Variants in LSAMP observed in about 807,000 individuals in gnomAD.
LSAMP encodes the protein limbic system associated membrane protein.
LSAMP carries 7 observed loss-of-function variants against 38.6 expected under a neutral mutation model. The observed-to-expected ratio is 0.18, with a 90% CI of 0.10 to 0.34. The LOEUF (loss-of-function observed/expected upper bound fraction) is 0.34, where lower values mean the gene tolerates loss of function less well. Among genes scored for constraint, LSAMP ranks in the 10% least tolerant of loss-of-function variants. The probability of loss-of-function intolerance (pLI) is 1.00; values close to 1 mark genes in which losing one functional copy is unlikely to be tolerated. For missense variants in LSAMP, 313 were observed against 420.0 expected (o/e 0.75, Z 2.23); for synonymous variants, 154 against 166.8 (o/e 0.92, Z 0.59).
intron 1 of LSAMP, among the ~76,000 whole-genome samples, chr3:116,142,597 G>A (rs1709394863): frequency 6.6e-6 from 1 of 151,738 alleles, no homozygotes; most frequent in African/African-American, 2.4e-5. Flanking sequence ...TTCTTTTTAG[G>A]GACCATATTA....
chr3:116,324,585 A>G (rs551975688), intron 1 of LSAMP, among the ~76,000 whole-genome samples: 2 of 152,174 alleles, frequency 1.3e-5, no homozygotes, highest in Admixed American at 1.3e-4. Context: ...GAGTTCTTAC[A>G]CACCTGAATC....
chr3:115,864,008 AT>A (rs749980727), intron 3 of LSAMP, among the ~76,000 whole-genome samples: 24 of 152,292 alleles, frequency 1.6e-4, no homozygotes, highest in Non-Finnish European at 2.2e-4. Context: ...AAAAGTTTTC[AT>A]GACTATCCAT....
intron 1 of LSAMP, among the ~76,000 whole-genome samples, chr3:116,192,644 TAAAG>T (rs1266535679): frequency 2.0e-5 from 3 of 152,168 alleles, no homozygotes; most frequent in East Asian, 1.9e-4. Context: ...GATGGAAAAT[TAAAG>T]AAAAGTATTA....
intron 3 of LSAMP, among the ~76,000 whole-genome samples, chr3:115,875,134 A>G (rs892711235): frequency 2.5e-4 from 38 of 152,110 alleles, no homozygotes; most frequent in African/African-American, 8.2e-4. Context: ...ACTACTTTCA[A>G]TCCCAATCAC....
intron 2 of LSAMP, among the ~76,000 whole-genome samples, chr3:116,066,907 ATT>A (rs540761030): frequency 6.7e-6 from 1 of 150,018 alleles, no homozygotes; most frequent in African/African-American, 2.4e-5. Context: ...GCCTGCCCCC[ATT>A]TTTTTTTGCA....
intron 1 of LSAMP, among the ~76,000 whole-genome samples, chr3:116,120,255 T>C (rs1005122139): frequency 1.3e-5 from 2 of 152,054 alleles, no homozygotes; most frequent in African/African-American, 4.8e-5. Flanking sequence ...GCCAGGGAAA[T>C]GATGGTGGTG....
At chr3:116,195,463 A>G (rs1411452984) in intron 1 of LSAMP, among the ~76,000 whole-genome samples, 1 of 152,190 alleles carries the variant, frequency 6.6e-6, no homozygotes, top group Non-Finnish European at 1.5e-5. Context: ...TAAACAGCCA[A>G]TATATACAAT....
intron 3 of LSAMP, among the ~76,000 whole-genome samples, chr3:115,906,064 G>A (rs1441383226): frequency 1.3e-5 from 2 of 152,078 alleles, no homozygotes. Flanking sequence ...GGAACCTTAT[G>A]GAAAGCAATT....
chr3:116,275,265 C>A (rs1242270045), intron 1 of LSAMP, among the ~76,000 whole-genome samples: 1 of 152,016 alleles, frequency 6.6e-6, no homozygotes, highest in African/African-American at 2.4e-5. Context: ...GTTGTCCAGG[C>A]TGGTCTGGAA....
chr3:116,211,121 A>G (rs970907998), intron 1 of LSAMP, among the ~76,000 whole-genome samples: 3 of 152,158 alleles, frequency 2.0e-5, no homozygotes, highest in Admixed American at 1.3e-4. Flanking sequence ...TCTCACTTAT[A>G]TGTAAAATCT....
At chr3:115,827,082 C>T (rs1175429076) in intron 6 of LSAMP, among the ~76,000 whole-genome samples, 1 of 151,564 alleles carries the variant, frequency 6.6e-6, no homozygotes, top group African/African-American at 2.4e-5. Context: ...GCTTGCAATT[C>T]AACAGAGAAG....
At chr3:115,933,085 G>A (rs1937607244) in intron 3 of LSAMP, among the ~76,000 whole-genome samples, 2 of 152,166 alleles carry the variant, frequency 1.3e-5, no homozygotes, top group East Asian at 1.9e-4. Flanking sequence ...AAGGAAGGTC[G>A]GAGCATAGAC....
chr3:115,831,211 C>A (rs968711720), intron 6 of LSAMP, among the ~76,000 whole-genome samples: 2 of 152,092 alleles, frequency 1.3e-5, no homozygotes, highest in Admixed American at 6.6e-5. Context: ...AACCCACTTG[C>A]CACACGGGGT....
At chr3:116,178,463 C>T (rs528727298) in intron 1 of LSAMP, among the ~76,000 whole-genome samples, 14 of 152,202 alleles carry the variant, frequency 9.2e-5, no homozygotes, top group South Asian at 8.3e-4. Flanking sequence ...CCACCACGCC[C>T]GGCCAAAAGA....
intron 1 of LSAMP, among the ~76,000 whole-genome samples, chr3:116,231,841 C>T (rs1177609965): frequency 2.6e-5 from 4 of 152,110 alleles, no homozygotes; most frequent in African/African-American, 7.2e-5. Context: ...TCTCAGTCAC[C>T]CATCAATGGG....
chr3:116,029,076 C>T lies in LSAMP; in HGVS notation c.389-9436G>A, dbSNP rs908493537. ...AAAAGCTGCCAAAATAAAATTGTCA[C>T]AATTTTACATACTTTGTCATGTCTC... is the stretch of plus-strand genomic sequence containing the variant. On this transcript the variant is annotated intron_variant, in intron 2 of 6. Coordinates refer to ENST00000490035, the MANE Select transcript of LSAMP (RefSeq NM_002338.5). 3.9e-5 allele frequency among the ~76,000 whole-genome samples: 6 copies of T among 152,052 alleles called. 1 individual carries two copies. The highest frequency in any genetic ancestry group is 1.4e-4 in the African/African-American group (6 of 41,404).
At chr3:116,076,047 A>C (rs1707734857) in intron 2 of LSAMP, among the ~76,000 whole-genome samples, 1 of 152,174 alleles carries the variant, frequency 6.6e-6, no homozygotes. Flanking sequence ...TTTAGTAAAA[A>C]TACAATTTTT....
At chr3:116,441,263 T>G (rs2049430671) in intron 1 of LSAMP, among the ~76,000 whole-genome samples, 1 of 152,184 alleles carries the variant, frequency 6.6e-6, no homozygotes, top group African/African-American at 2.4e-5. Context: ...TAAATAAAAT[T>G]TTATTACCTT....
At chr3:115,869,260 C>T (rs1037078169) in intron 3 of LSAMP, among the ~76,000 whole-genome samples, 2 of 120,044 alleles carry the variant, frequency 1.7e-5, no homozygotes, top group South Asian at 5.7e-4. Context: ...TAACCTCTAT[C>T]TTGGAGGGGG....
Sources: allele counts gnomAD v4.1 joint callset (sites outside exome capture counted in the v4.1 genomes callset), GRCh38; gene constraint gnomAD v4.1.1; transcripts MANE v1.5; gene names NCBI Gene and HGNC (gene_info 2026-07-23, HGNC 2026-07-21).